The following SAP25 variants were observed in gnomAD, a reference collection of about 807,000 sequenced individuals.
SAP25 encodes histone deacetylase complex subunit SAP25.
A neutral mutation model predicts 31.5 loss-of-function variants in SAP25; 24 were observed. The ratio of observed to expected loss-of-function variants is 0.76; its 90% confidence interval spans 0.55 to 1.07. The LOEUF is 1.07. Among genes scored for constraint, SAP25 ranks in the 50% least tolerant of loss-of-function variants. The pLI is 0.00. For synonymous variants in SAP25, 180 were observed against 186.0 expected (o/e 0.97, Z 0.26); for missense variants, 377 against 418.8 (o/e 0.90, Z 0.87).
At position 100,572,240 on chromosome 7, in the gene SAP25, A is replaced by G; in HGVS notation, c.*47T>C. 1 of 1,250,168 alleles carries G rather than the reference A, an allele frequency of 8.0e-7. No individual in the cohort carries two copies. The highest frequency in any genetic ancestry group is 4.1e-5 in the Admixed American group (1 of 24,472). The allele number at this position is 1,250,168 out of a possible 1,614,324, so 77.4% of individuals were successfully genotyped here. ...CACACGGAGCCTGTTTTGCAAACCA[A>G]CACTGTTTTATTGTCAACACAACCA... On this transcript the variant is annotated 3_prime_UTR_variant, in exon 6 of 6. Transcript: ENST00000622764. This position sits in a 1 kb window ranked among gnomAD's most constrained non-coding sequence, Gnocchi z 4.1.
In SAP25 at chr7:100,573,302, G is replaced by C; in HGVS notation, c.245C>G (p.Ala82Gly). Residue 82 changes from alanine (A) to glycine (G), a missense_variant, in exon 2 of 6, where the codon GCC becomes GGC. Coordinates refer to ENST00000622764, the MANE Select transcript of SAP25 (RefSeq NM_001348680.2). Reference protein sequence around the residue: ...PGPATEQPPGAPDPRSPQVAW... With the variant: ...PGPATEQPPGGPDPRSPQVAW... ...GGCAGCAGGGCCTGTCCTACCTGGG[G>C]CTCCGGGGGGCTGCTCAGTGGCCGG... 7.2e-7 allele frequency: 1 copy of C among 1,390,608 alleles called. No homozygotes were observed. Among genetic ancestry groups the C allele is most frequent in the Admixed American group, 2.9e-5 (1 of 34,374 alleles). 86.1% of individuals were successfully genotyped at this position (1,390,608 alleles called of 1,614,324 possible).
chr7:100,573,841 G>C lies in SAP25; in HGVS notation c.-99C>G. 1 of 1,046,990 alleles carries C rather than the reference G, an allele frequency of 9.6e-7. No individual in the cohort carries two copies. Among genetic ancestry groups the C allele is most frequent in the Non-Finnish European group, 1.2e-6 (1 of 846,916 alleles). The allele number at this position is 1,046,990 out of a possible 1,614,324, so 64.9% of individuals were successfully genotyped here. ...GGCGCGGCGCGAACGTGCCCTCCTG[G>C]CGAACCCACCCCAGAGGCCTCGCGG... is the stretch of plus-strand genomic sequence containing the variant. On this transcript the variant is annotated 5_prime_UTR_variant, in exon 1 of 6. Transcript: ENST00000622764.
chr7:100,573,147 C>T lies in SAP25; in HGVS notation c.316G>A (p.Asp106Asn). 1 of 1,535,970 alleles carries T rather than the reference C, an allele frequency of 6.5e-7. No individual in the cohort carries two copies. Among genetic ancestry groups the T allele is most frequent in the Admixed American group, 2.0e-5 (1 of 50,930 alleles). ...CCTGCTTTGGCTTCATACTTGGGGT[C>T]CCAGGGCGCTAGTGGAGTCATCCTC... is the stretch of plus-strand genomic sequence containing the variant. ...PSRMTPLAPW[D>N]PKYEAKAGPR... is the part of the protein sequence containing the mutation. Residue 106 changes from aspartate to asparagine, a missense_variant, in exon 3 of 6, where the codon GAC becomes AAC. Asp to Asn is a conservative substitution (Grantham distance 23). Transcript: ENST00000622764.
At position 100,572,862 on chromosome 7, in the gene SAP25, G is replaced by A; in HGVS notation, c.509C>T (p.Ala170Val). Residue 170 changes from alanine (A) to valine (V), a missense_variant and splice_region_variant, in exon 4 of 6, where the codon GCA becomes GTA. Physicochemically the swap from Ala to Val is moderately conservative, Grantham distance 64. Transcript: ENST00000622764. This position sits in a 1 kb window ranked among gnomAD's most constrained non-coding sequence, Gnocchi z 4.1. Reference protein sequence around the residue: ...HWNGQQAPPDAGFPVVCCEDV... With the variant: ...HWNGQQAPPDVGFPVVCCEDV... The stretch of plus-strand genomic sequence containing the variant: ...CCCCGGGGGACCAAGGGAGGTACCT[G>A]CATCTGGGGGCGCCTGCTGTCCATT... The A allele has an allele frequency of 6.8e-7, 1 of 1,463,928 alleles. No individual in the cohort carries two copies. Among genetic ancestry groups the A allele is most frequent in the Non-Finnish European group, 9.0e-7 (1 of 1,112,420 alleles). 90.7% of individuals were successfully genotyped at this position (1,463,928 alleles called of 1,614,324 possible). A position where few individuals can be genotyped will look rare whatever the true frequency, so the allele number is the denominator to read the frequency against.
At position 100,573,286 on chromosome 7, in the gene SAP25, G is replaced by C; in HGVS notation, c.250+11C>G. On this transcript the variant is annotated intron_variant, in intron 2 of 5. Coordinates refer to ENST00000622764, the MANE Select transcript of SAP25 (RefSeq NM_001348680.2). ...TCTTAGGGGTAGTAGAGGCAGCAGG[G>C]CCTGTCCTACCTGGGGCTCCGGGGG... 7.1e-7 allele frequency: 1 copy of C among 1,413,348 alleles called. No individual in the cohort carries two copies. The highest frequency in any genetic ancestry group is 2.6e-5 in the East Asian group (1 of 38,754). The allele number at this position is 1,413,348 out of a possible 1,614,324, so 87.6% of individuals were successfully genotyped here. A position where few individuals can be genotyped will look rare whatever the true frequency, so the allele number is the denominator to read the frequency against.
Position 100,573,159 on chromosome 7 carries a change from G to C in SAP25, c.304C>G (p.Leu102Val). Residue 102 changes from leucine (L) to valine (V), a missense_variant, in exon 3 of 6, where the codon CTA (leucine) becomes GTA (valine). By Grantham distance (32) the Leu-to-Val change is conservative. Transcript: ENST00000622764. ...WEVAPSRMTP[L>V]APWDPKYEAK... ...TCATACTTGGGGTCCCAGGGCGCTA[G>C]TGGAGTCATCCTCGAGGGGGCCACC... The C allele has an allele frequency of 1.3e-6, 2 of 1,535,766 alleles. No individual in the cohort carries two copies. The highest frequency in any genetic ancestry group is 8.7e-7 in the Non-Finnish European group (1 of 1,146,214).
intron 3 of SAP25, 30 bp downstream of exon 3, chr7:100,573,076 G>A: frequency 6.6e-7 from 1 of 1,526,332 alleles, no homozygotes; most frequent in Non-Finnish European, 8.8e-7. Context: ...GAGCACCCCA[G>A]CCAGTCCCAC....
In SAP25 at chr7:100,572,326, G is replaced by A. The variant is rs1338066937; in HGVS notation, c.855C>T (p.Asp285=). The A allele has an allele frequency of 5.2e-5, 71 of 1,356,214 alleles. 1 individual carries two copies. In the South Asian group the frequency reaches 1.3e-3, roughly 24 times the overall value. The allele number at this position is 1,356,214 out of a possible 1,614,324, so 84.0% of individuals were successfully genotyped here. A position where few individuals can be genotyped will look rare whatever the true frequency, so the allele number is the denominator to read the frequency against. The change falls in exon 6 of 6, where the codon GAC becomes GAT. Residue 285 remains aspartate (D), a synonymous_variant. Coordinates refer to ENST00000622764, the MANE Select transcript of SAP25 (RefSeq NM_001348680.2). The surrounding 1 kb of genome is among the most constrained non-coding windows in gnomAD (Gnocchi z 4.1). ...TGTCTGGGGTCTGTGGGAGAGAGAGGTCAGCACCCTGAGAACTGCTGGGGC... is the reference window on the plus strand; with the variant it reads ...TGTCTGGGGTCTGTGGGAGAGAGAGATCAGCACCCTGAGAACTGCTGGGGC... ...CGSPSSSQGA[D]LSLPQTPDTH...
Position 100,573,717 on chromosome 7 carries a change from C to T in SAP25, c.26G>A (p.Trp9Ter), listed in dbSNP as rs1801230955. 8.2e-7 allele frequency: 1 copy of T among 1,224,990 alleles called. No individual in the cohort carries two copies. Among genetic ancestry groups the T allele is most frequent in the South Asian group, 4.1e-5 (1 of 24,300 alleles). The allele number at this position is 1,224,990 out of a possible 1,614,324, so 75.9% of individuals were successfully genotyped here. The part of the protein sequence containing the change: MLPWSPPR[W>*]GAGPEEAPEG... ...GGGCGCCTCCTCCGGGCCCGCGCCCCACCGCGGCGGCGACCAGGGCAACAT... is the reference window on the plus strand; with the variant it reads ...GGGCGCCTCCTCCGGGCCCGCGCCCTACCGCGGCGGCGACCAGGGCAACAT... Residue 9 changes from tryptophan to a stop codon, truncating the protein, a stop_gained, in exon 1 of 6, where the codon TGG (tryptophan) becomes TAG (stop). Coordinates refer to ENST00000622764, the MANE Select transcript of SAP25 (RefSeq NM_001348680.2). LOFTEE classifies it high-confidence loss of function.
Position 100,572,978 on chromosome 7 carries a change from G to A in SAP25, c.393C>T (p.Gly131=). ...ANCSSGASFS[G]RTLCHPSFWP... ...AGAATGAGGGGTGACACAGCGTCCGGCCTGAGAACGAGGCTCCTGAGCTAC... is the reference window on the plus strand; with the variant it reads ...AGAATGAGGGGTGACACAGCGTCCGACCTGAGAACGAGGCTCCTGAGCTAC... Residue 131 remains glycine, a synonymous_variant, in exon 4 of 6, where the codon GGC becomes GGT. Transcript: ENST00000622764. The surrounding 1 kb of genome is among the most constrained non-coding windows in gnomAD (Gnocchi z 4.1). 1 of 1,505,594 alleles carries A rather than the reference G, an allele frequency of 6.6e-7. No individual in the cohort carries two copies. The highest frequency in any genetic ancestry group is 8.8e-7 in the Non-Finnish European group (1 of 1,130,312). The allele number at this position is 1,505,594 out of a possible 1,614,324, so 93.3% of individuals were successfully genotyped here. A position where few individuals can be genotyped will look rare whatever the true frequency, so the allele number is the denominator to read the frequency against.
Position 100,573,152 on chromosome 7 carries a change from G to A in SAP25, c.311C>T (p.Pro104Leu), listed in dbSNP as rs376583578. 8.2e-5 allele frequency: 126 copies of A among 1,535,872 alleles called. No individual in the cohort carries two copies. The highest frequency in any genetic ancestry group is 1.2e-4 in the Admixed American group (6 of 50,900). The part of the protein sequence containing the change: ...VAPSRMTPLA[P>L]WDPKYEAKAG... ...TTTGGCTTCATACTTGGGGTCCCAG[G>A]GCGCTAGTGGAGTCATCCTCGAGGG... Residue 104 changes from proline (P) to leucine (L), a missense_variant, in exon 3 of 6, where the codon CCC becomes CTC. Physicochemically the swap from Pro to Leu is moderately conservative, Grantham distance 98. Transcript: ENST00000622764.
Position 100,573,886 on chromosome 7 carries a change from G to T in SAP25, c.-144C>A. On this transcript the variant is annotated 5_prime_UTR_variant, in exon 1 of 6. Transcript: ENST00000622764. ...TCGCGGCGACGCTGGCGCCCTGTGC[G>T]TCTCCCGGCCACGTGGCGCGTGCCC... The T allele has an allele frequency of 1.6e-6, 1 of 636,828 alleles. No homozygotes were observed. The highest frequency in any genetic ancestry group is 2.1e-6 in the Non-Finnish European group (1 of 485,102). 39.4% of individuals were successfully genotyped at this position (636,828 alleles called of 1,614,324 possible).
Position 100,572,787 on chromosome 7 carries a change from G to A in SAP25, c.512-36C>T, listed in dbSNP as rs778531287. ...ACACCACTAGGGTGGCGGGCTGCGG[G>A]CTCCCACCCCTGGGCACTGGTTCCC... On this transcript the variant is annotated intron_variant, in intron 4 of 5. Coordinates refer to ENST00000622764, the MANE Select transcript of SAP25 (RefSeq NM_001348680.2). The surrounding 1 kb of genome is among the most constrained non-coding windows in gnomAD (Gnocchi z 4.1). 8.0e-5 allele frequency: 121 copies of A among 1,515,508 alleles called. No individual in the cohort carries two copies. In the East Asian group the frequency reaches 9.1e-4, roughly 11 times the overall value. The allele number at this position is 1,515,508 out of a possible 1,614,324, so 93.9% of individuals were successfully genotyped here. A position where few individuals can be genotyped will look rare whatever the true frequency, so the allele number is the denominator to read the frequency against.
At position 100,573,190 on chromosome 7, in the gene SAP25, G is replaced by A. The variant is rs759506279; in HGVS notation, c.273C>T (p.Ala91=). ...TCATCCTCGAGGGGGCCACCTCCCA[G>A]GCCACCTGGGGGGAACGGGGATCTG... is the stretch of plus-strand genomic sequence containing the variant. ...GAPDPRSPQV[A]WEVAPSRMTP... The change falls in exon 3 of 6, where the codon GCC becomes GCT. Residue 91 remains alanine (A), a synonymous_variant. Transcript: ENST00000622764. 27 of 1,527,174 alleles carry A rather than the reference G, an allele frequency of 1.8e-5. No homozygotes were observed. Among genetic ancestry groups the A allele is most frequent in the African/African-American group, 2.7e-5 (2 of 72,748 alleles). The allele number at this position is 1,527,174 out of a possible 1,614,324, so 94.6% of individuals were successfully genotyped here.
chr7:100,573,892 C>G lies in SAP25; in HGVS notation c.-150G>C. 5.1e-6 allele frequency: 3 copies of G among 587,054 alleles called. No homozygotes were observed. The highest frequency in any genetic ancestry group is 6.8e-6 in the Non-Finnish European group (3 of 441,630). 36.4% of individuals were successfully genotyped at this position (587,054 alleles called of 1,614,324 possible). A position where few individuals can be genotyped will look rare whatever the true frequency, so the allele number is the denominator to read the frequency against. On this transcript the variant is annotated 5_prime_UTR_variant, in exon 1 of 6. Coordinates refer to ENST00000622764, the MANE Select transcript of SAP25 (RefSeq NM_001348680.2). ...CGACGCTGGCGCCCTGTGCGTCTCC[C>G]GGCCACGTGGCGCGTGCCCCCGCCG...
rs761206284 is a variant in SAP25, at chr7:100,573,215, G to T, written c.251-3C>A. The T allele has an allele frequency of 6.7e-7, 1 of 1,483,104 alleles. No individual in the cohort carries two copies. Among genetic ancestry groups the T allele is most frequent in the South Asian group, 1.2e-5 (1 of 80,936 alleles). 91.9% of individuals were successfully genotyped at this position (1,483,104 alleles called of 1,614,324 possible). A position where few individuals can be genotyped will look rare whatever the true frequency, so the allele number is the denominator to read the frequency against. Reference sequence around the variant, plus strand: ...GGCCACCTGGGGGGAACGGGGATCTGGGGGGACGCTTGGGGATTATAACAG... The same window carrying T: ...GGCCACCTGGGGGGAACGGGGATCTTGGGGGACGCTTGGGGATTATAACAG... On this transcript the variant is annotated splice_polypyrimidine_tract_variant and splice_region_variant and intron_variant, in intron 2 of 5. Coordinates refer to ENST00000622764, the MANE Select transcript of SAP25 (RefSeq NM_001348680.2).
Position 100,573,202 on chromosome 7 carries a change from G to A in SAP25, c.261C>T (p.Ser87=). ...EQPPGAPDPR[S]PQVAWEVAPS... The stretch of plus-strand genomic sequence containing the variant: ...GGGCCACCTCCCAGGCCACCTGGGG[G>A]GAACGGGGATCTGGGGGGACGCTTG... Residue 87 remains serine (S), a synonymous_variant, in exon 3 of 6, where the codon TCC becomes TCT. Coordinates refer to ENST00000622764, the MANE Select transcript of SAP25 (RefSeq NM_001348680.2). The A allele has an allele frequency of 2.6e-6, 4 of 1,516,460 alleles. No homozygotes were observed. Among genetic ancestry groups the A allele is most frequent in the Non-Finnish European group, 3.5e-6 (4 of 1,133,140 alleles). The allele number at this position is 1,516,460 out of a possible 1,614,324, so 93.9% of individuals were successfully genotyped here. A position where few individuals can be genotyped will look rare whatever the true frequency, so the allele number is the denominator to read the frequency against.
Position 100,573,826 on chromosome 7 carries a change from G to T in SAP25, c.-84C>A. ...TCAGCCTCCCTCCGCGGCGCGGCGC[G>T]AACGTGCCCTCCTGGCGAACCCACC... On this transcript the variant is annotated 5_prime_UTR_variant, in exon 1 of 6. Coordinates refer to ENST00000622764, the MANE Select transcript of SAP25 (RefSeq NM_001348680.2). The T allele has an allele frequency of 9.1e-7, 1 of 1,103,748 alleles. No homozygotes were observed. Among genetic ancestry groups the T allele is most frequent in the Non-Finnish European group, 1.1e-6 (1 of 895,836 alleles). The allele number at this position is 1,103,748 out of a possible 1,614,324, so 68.4% of individuals were successfully genotyped here.
Position 100,573,670 on chromosome 7 carries a change from C to T in SAP25, c.73G>A (p.Gly25Ser), listed in dbSNP as rs1321131209. 8.1e-7 allele frequency: 1 copy of T among 1,230,574 alleles called. No homozygotes were observed. Among genetic ancestry groups the T allele is most frequent in the East Asian group, 3.2e-5 (1 of 31,658 alleles). The allele number at this position is 1,230,574 out of a possible 1,614,324, so 76.2% of individuals were successfully genotyped here. Residue 25 changes from glycine (G) to serine (S), a missense_variant, in exon 1 of 6, where the codon GGC (glycine) becomes AGC (serine). Gly to Ser is a moderately conservative substitution (Grantham distance 56, BLOSUM62 0). Coordinates refer to ENST00000622764, the MANE Select transcript of SAP25 (RefSeq NM_001348680.2). ...CTCCAGGGCTCGCCCTGGTCCTTGC[C>T]CGCCGGAAGGCCTGGTCCCTCGGGC... ...EAPEGPGLPA[G>S]KDQGEPWSAG...
Sources: allele counts gnomAD v4.1 joint callset, GRCh38; gene constraint gnomAD v4.1.1; non-coding constraint Gnocchi (gnomAD v3.1); transcripts MANE v1.5; gene names NCBI Gene and HGNC (gene_info 2026-07-23, HGNC 2026-07-21).